Variants in PCNX4 observed in about 807,000 individuals in gnomAD.
PCNX4 encodes the protein pecanex 4, also known as pecanex-like protein 4.
Under a neutral mutation model 107.2 loss-of-function variants are expected in PCNX4, and 103 were observed. The observed-to-expected ratio is 0.96, with a 90% CI of 0.82 to 1.13. The LOEUF is 1.13. Among genes scored for constraint, PCNX4 ranks in the 50% most tolerant of loss-of-function variants. The pLI is 0.00. For missense variants in PCNX4, 1,528 were observed against 1,379.4 expected, an observed-to-expected ratio of 1.11 and a Z score of -1.71; for synonymous variants, 541 against 481.7, an observed-to-expected ratio of 1.12 and a Z score of -1.61.
In PCNX4 at chr14:60,125,940, A is replaced by G. The variant is rs116182682; in HGVS notation, c.3267+117A>G. 467 of 708,142 alleles carry G rather than the reference A, an allele frequency of 6.6e-4. 4 individuals are homozygous for G. In the African/African-American group the frequency reaches 8.1e-3, roughly 12 times the overall value. The allele number at this position is 708,142 out of a possible 1,614,324, so 43.9% of individuals were successfully genotyped here. On this transcript the variant is annotated intron_variant, in intron 10 of 10. Transcript: ENST00000406854. ...ACGTTATAGCTGTGATATATTAATTATAGTTTTAAGGCATTTGTAATCATG... is the reference window on the plus strand; with the variant it reads ...ACGTTATAGCTGTGATATATTAATTGTAGTTTTAAGGCATTTGTAATCATG...
In PCNX4 at chr14:60,141,308, A is replaced by G. The variant is rs974948725; in HGVS notation, c.*7087A>G. On this transcript the variant is annotated 3_prime_UTR_variant, in exon 11 of 11. Transcript: ENST00000406854. ...AGGAAATAACCAAAAGCAGAAATCA[A>G]TGAAACTGCAAATAGAAAAATACAT... is the stretch of plus-strand genomic sequence containing the variant. 3.9e-5 allele frequency: 6 copies of G among 152,228 alleles called. No individual in the cohort carries two copies. Among genetic ancestry groups the G allele is most frequent in the South Asian group, 2.1e-4 (1 of 4,834 alleles). The allele number at this position is 152,228 out of a possible 1,614,324, so 9.4% of individuals were successfully genotyped here.
chr14:60,114,625 T>G, intron 2 of PCNX4, 75 bp from the exon 3 acceptor site: 2 of 1,282,474 alleles, frequency 1.6e-6, no homozygotes, highest in Non-Finnish European at 2.2e-6. Context: ...TGTTATTCTG[T>G]GTTGCTTTGC....
intron 10 of PCNX4, among the ~76,000 whole-genome samples, chr14:60,130,607 G>A (rs1425761007): frequency 1.3e-5 from 2 of 151,992 alleles, no homozygotes; most frequent in African/African-American, 4.8e-5. Flanking sequence ...TGTACGCCCC[G>A]AATTTATATG....
chr14:60,123,120 G>A (rs1442733784), intron 8 of PCNX4, among the ~76,000 whole-genome samples: 1 of 152,022 alleles, frequency 6.6e-6, no homozygotes, highest in East Asian at 1.9e-4. Flanking sequence ...AAATATTGAG[G>A]ACATTTTGAT....
chr14:60,121,782 A>G (rs988428855), intron 8 of PCNX4, among the ~76,000 whole-genome samples: 1 of 152,114 alleles, frequency 6.6e-6, no homozygotes, highest in African/African-American at 2.4e-5. Context: ...TTTTGACCCT[A>G]CTACTCCACC....
At position 60,135,995 on chromosome 14, in the gene PCNX4, C is replaced by G. The variant is rs1896234957; in HGVS notation, c.*1774C>G. ...CAAGCTATGCCTTCGCTTAACCTTG[C>G]ATCCTCCTCAAAGTGCTCCCATATC... On this transcript the variant is annotated 3_prime_UTR_variant, in exon 11 of 11. Coordinates refer to ENST00000406854, the MANE Select transcript of PCNX4 (RefSeq NM_001330177.2). 6.6e-6 allele frequency: 1 copy of G among 152,102 alleles called. No homozygotes were observed. The highest frequency in any genetic ancestry group is 2.4e-5 in the African/African-American group (1 of 41,412). 9.4% of individuals were successfully genotyped at this position (152,102 alleles called of 1,614,324 possible).
Position 60,107,783 on chromosome 14 carries a change from C to G in PCNX4, c.145C>G (p.Leu49Val). 1.2e-6 allele frequency: 2 copies of G among 1,612,750 alleles called. No homozygotes were observed. Among genetic ancestry groups the G allele is most frequent in the African/African-American group, 1.3e-5 (1 of 75,004 alleles). Reference sequence around the variant, plus strand: ...ATATGTTAATCAAATTATTCTTTTTCTAATGCCATGGGTTTGGGGTGGAGT... The same window carrying G: ...ATATGTTAATCAAATTATTCTTTTTGTAATGCCATGGGTTTGGGGTGGAGT... ...YIYVNQIILF[L>V]MPWVWGGVGT... The change falls in exon 2 of 11, where the codon CTA becomes GTA. Residue 49 changes from leucine (L) to valine (V), a missense_variant. Transcript: ENST00000406854.
Position 60,124,836 on chromosome 14 carries a change from G to T in PCNX4, c.2665G>T (p.Gly889Ter). 2 of 1,613,796 alleles carry T rather than the reference G, an allele frequency of 1.2e-6. No individual in the cohort carries two copies. Among genetic ancestry groups the T allele is most frequent in the African/African-American group, 2.7e-5 (2 of 75,030 alleles). ...ATTAGGATACCCTGCTGTTGACAAA[G>T]GAAAACAAGAGGACATGCCATATAT... ...VLLGYPAVDK[G>*]KQEDMPYIPL... Residue 889 changes from glycine (G) to a stop codon, truncating the protein, a stop_gained, in exon 9 of 11, where the codon GGA becomes TGA. Transcript: ENST00000406854. LOFTEE classifies it high-confidence loss of function.
chr14:60,108,373 T>C, intron 2 of PCNX4, 46 bp downstream of exon 2: 1 of 1,419,508 alleles, frequency 7.0e-7, no homozygotes, highest in Non-Finnish European at 9.6e-7. Flanking sequence ...TTTTTAAGTA[T>C]ACAGAGTAAG....
chr14:60,125,635 A>G lies in PCNX4; in HGVS notation c.3081-2A>G, dbSNP rs745662464. On this transcript the variant is annotated splice_acceptor_variant, in intron 9 of 10. Coordinates refer to ENST00000406854, the MANE Select transcript of PCNX4 (RefSeq NM_001330177.2). LOFTEE classifies it high-confidence loss of function. ...AATTCTTCGGTTCTCCATTTTTTTT[A>G]GGTATACTCTGAAACTAATGATTGA... 1.6e-5 allele frequency: 23 copies of G among 1,456,672 alleles called. No individual in the cohort carries two copies. Among genetic ancestry groups the G allele is most frequent in the Non-Finnish European group, 2.0e-5 (22 of 1,101,964 alleles). 90.2% of individuals were successfully genotyped at this position (1,456,672 alleles called of 1,614,324 possible). A position where few individuals can be genotyped will look rare whatever the true frequency, so the allele number is the denominator to read the frequency against.
Position 60,124,760 on chromosome 14 carries a change from T to C in PCNX4, c.2589T>C (p.Gly863=). The C allele has an allele frequency of 1.2e-6, 2 of 1,613,258 alleles. No homozygotes were observed. The highest frequency in any genetic ancestry group is 1.7e-6 in the Non-Finnish European group (2 of 1,179,788). The change falls in exon 9 of 11, where the codon GGT becomes GGC. Residue 863 remains glycine, a synonymous_variant. Coordinates refer to ENST00000406854, the MANE Select transcript of PCNX4 (RefSeq NM_001330177.2). ...IPGSVESQRV[G]DHSTGTVPEN... ...GATCAGTAGAATCACAGAGGGTTGG[T>C]GATCATTCTACAGGCACTGTTCCTG...
chr14:60,125,565 T>G, intron 9 of PCNX4, 72 bp from the exon 10 acceptor site: 1 of 1,139,226 alleles, frequency 8.8e-7, no homozygotes, highest in East Asian at 2.9e-5. Context: ...AATATTGGTT[T>G]AACAAAATCT....
In PCNX4 at chr14:60,115,245, C is replaced by G; in HGVS notation, c.1141C>G (p.Gln381Glu). The G allele has an allele frequency of 6.2e-7, 1 of 1,612,902 alleles. No individual in the cohort carries two copies. Among genetic ancestry groups the G allele is most frequent in the East Asian group, 2.2e-5 (1 of 44,858 alleles). ...SLLHHFAGFS[Q>E]ISKSNSQAIV... ...GCTTCATCACTTTGCTGGCTTCTCA[C>G]AGATTTCTAAAAGCAATTCCCAGGC... The change falls in exon 4 of 11, where the codon CAG becomes GAG. Residue 381 changes from glutamine to glutamate, a missense_variant. Gln to Glu is a conservative substitution (Grantham distance 29). Transcript: ENST00000406854.
At position 60,092,080 on chromosome 14, in the gene PCNX4, C is replaced by A. The variant is rs1210688264; in HGVS notation, c.-393C>A. On this transcript the variant is annotated 5_prime_UTR_variant, in exon 1 of 11. Coordinates refer to ENST00000406854, the MANE Select transcript of PCNX4 (RefSeq NM_001330177.2). ...CTGGCGCGAACGAAGCGCGCTATTT[C>A]CCTGCTTCCTCTAGGCCAAGCCTGC... The A allele has an allele frequency of 6.6e-6, 1 of 152,366 alleles. No individual in the cohort carries two copies. The allele number at this position is 152,366 out of a possible 1,614,324, so 9.4% of individuals were successfully genotyped here.
At chr14:60,132,045 T>TA (rs1400305084) in intron 10 of PCNX4, among the ~76,000 whole-genome samples, 1 of 152,210 alleles carries the variant, frequency 6.6e-6, no homozygotes, top group East Asian at 1.9e-4. Context: ...GGTGACTTTT[T>TA]AAAAAATGGA....
chr14:60,125,611 A>G, intron 9 of PCNX4, 26 bp from the exon 10 acceptor site: 1 of 1,407,998 alleles, frequency 7.1e-7, no homozygotes, highest in Non-Finnish European at 9.4e-7. Flanking sequence ...ATATTCTAAA[A>G]TTCTTCGGTT....
Position 60,134,944 on chromosome 14 carries a change from C to A in PCNX4, c.*723C>A, listed in dbSNP as rs1317225730. 2.0e-5 allele frequency: 3 copies of A among 152,156 alleles called. No homozygotes were observed. The highest frequency in any genetic ancestry group is 4.4e-5 in the Non-Finnish European group (3 of 68,020). The allele number at this position is 152,156 out of a possible 1,614,324, so 9.4% of individuals were successfully genotyped here. A position where few individuals can be genotyped will look rare whatever the true frequency, so the allele number is the denominator to read the frequency against. On this transcript the variant is annotated 3_prime_UTR_variant, in exon 11 of 11. Coordinates refer to ENST00000406854, the MANE Select transcript of PCNX4 (RefSeq NM_001330177.2). ...TATCTGACTCATTATGTATTTCTTT[C>A]AACTGAATTTACTGCTTCTGAAAAA...
rs2140582083 is a variant in PCNX4, at chr14:60,145,238, G to A, written c.*11017G>A. The A allele has an allele frequency of 2.6e-6, 1 of 382,456 alleles. No homozygotes were observed. Among genetic ancestry groups the A allele is most frequent in the Non-Finnish European group, 4.6e-6 (1 of 218,222 alleles). The allele number at this position is 382,456 out of a possible 1,614,324, so 23.7% of individuals were successfully genotyped here. ...GTTTAGCATCATCTCTGGTTTAGAG[G>A]AGGTATAAATAGCATTGGACTGCAA... On this transcript the variant is annotated 3_prime_UTR_variant, in exon 11 of 11. Transcript: ENST00000406854. This position sits in a 1 kb window ranked among gnomAD's most constrained non-coding sequence, Gnocchi z 4.0.
intron 10 of PCNX4, chr14:60,126,269 G>A (rs1595177271): frequency 6.6e-6 from 1 of 152,252 alleles, no homozygotes; most frequent in African/African-American, 2.4e-5. Flanking sequence ...CTTAAAATAG[G>A]GGATGACTCT....
Sources: gnomAD v4.1 joint callset for allele counts (sites outside exome capture counted in the v4.1 genomes callset) on GRCh38, gnomAD v4.1.1 for gene constraint, Gnocchi (gnomAD v3.1) non-coding constraint, MANE v1.5 for transcripts, NCBI Gene and HGNC (gene_info 2026-07-23, HGNC 2026-07-21) for gene names.